GAB2: variants seen among roughly 807,000 people sequenced by gnomAD.
GAB2 encodes the protein GRB2 associated binding protein 2, also known as GRB2-associated-binding protein 2.
A neutral mutation model predicts 65.5 loss-of-function variants in GAB2; 26 were observed. That is an observed-to-expected ratio of 0.40 (90% confidence interval 0.29 to 0.55). GAB2 has a LOEUF of 0.55. GAB2 is among the 20% of genes least tolerant of loss of function. The pLI is 0.53. For missense variants in GAB2, 884 were observed against 875.8 expected (o/e 1.01, Z -0.12); for synonymous variants, 321 against 329.6 (o/e 0.97, Z 0.28).
chr11:78,410,651 T>C (rs1468007925), intron 1 of GAB2, among the ~76,000 whole-genome samples: 1 of 152,196 alleles, frequency 6.6e-6, no homozygotes, highest in Non-Finnish European at 1.5e-5. Flanking sequence ...ATGTAACAAC[T>C]TAGACAAAAT....
chr11:78,291,064 G>A (rs1466530590), intron 1 of GAB2, among the ~76,000 whole-genome samples: 1 of 145,734 alleles, frequency 6.9e-6, no homozygotes, highest in Non-Finnish European at 1.5e-5. Context: ...CAATAAAACT[G>A]CTTAGAAAAA....
chr11:78,414,087 CAA>C (rs34915163), intron 1 of GAB2, among the ~76,000 whole-genome samples: 2,097 of 83,238 alleles, frequency 0.025, 40 homozygotes, highest in African/African-American at 0.071. Context: ...AACTCTGTCT[CAA>C]AAAAAAAAAA....
intron 1 of GAB2, among the ~76,000 whole-genome samples, chr11:78,346,300 C>CT (rs547277599): frequency 1.7e-3 from 254 of 152,158 alleles, no homozygotes; most frequent in African/African-American, 5.9e-3. Context: ...CCAACACCCC[C>CT]TTATTCAGAC....
chr11:78,220,195 T>C, intron 9 of GAB2, 124 bp downstream of exon 9: 1 of 942,668 alleles, frequency 1.1e-6, no homozygotes, highest in Non-Finnish European at 1.6e-6. Context: ...TCATAAAAGC[T>C]GGGTACTGGA....
chr11:78,369,226 TA>T (rs1242948189), intron 1 of GAB2, among the ~76,000 whole-genome samples: 1 of 152,164 alleles, frequency 6.6e-6, no homozygotes, highest in Non-Finnish European at 1.5e-5. Context: ...TTCATTGTAT[TA>T]ATCAATGGCA....
chr11:78,417,566 GC>G (rs1012554527), intron 1 of GAB2, 79 bp downstream of exon 1: 1 of 536,142 alleles, frequency 1.9e-6, no homozygotes, highest in Non-Finnish European at 2.5e-6. Flanking sequence ...CCAGCCTGCC[GC>G]CCCTCCGGGA....
At chr11:78,309,367 A>G (rs924433194) in intron 1 of GAB2, among the ~76,000 whole-genome samples, 1 of 152,118 alleles carries the variant, frequency 6.6e-6, no homozygotes, top group Non-Finnish European at 1.5e-5. Context: ...AAGAAATTCC[A>G]TACTAACTAA....
At chr11:78,375,995 C>T (rs1466088609) in intron 1 of GAB2, among the ~76,000 whole-genome samples, 1 of 152,116 alleles carries the variant, frequency 6.6e-6, no homozygotes, top group Non-Finnish European at 1.5e-5. Context: ...TAACTGTTTC[C>T]CATAGTCTAA....
At chr11:78,220,292 C>T (rs1423828957) in intron 9 of GAB2, 27 bp downstream of exon 9, 6 of 1,611,038 alleles carry the variant, frequency 3.7e-6, no homozygotes, top group Non-Finnish European at 5.1e-6. Flanking sequence ...AGAGCTCTTA[C>T]TGCCCCCCCA....
chr11:78,332,846 C>G (rs1855938110), intron 1 of GAB2, among the ~76,000 whole-genome samples: 2 of 152,182 alleles, frequency 1.3e-5, no homozygotes, highest in Admixed American at 1.3e-4. Flanking sequence ...ATGGAGTTCC[C>G]TCATGCCCTA....
intron 1 of GAB2, among the ~76,000 whole-genome samples, chr11:78,281,930 C>G (rs1011214452): frequency 2.6e-5 from 4 of 152,188 alleles, no homozygotes; most frequent in African/African-American, 9.7e-5. Flanking sequence ...CAGTAAGTAG[C>G]AGAAAAACAA....
chr11:78,345,090 C>T (rs889872895), intron 1 of GAB2, among the ~76,000 whole-genome samples: 19 of 151,984 alleles, frequency 1.3e-4, no homozygotes, highest in African/African-American at 4.1e-4. Context: ...GACCAGCCCG[C>T]GCAACATGGC....
At chr11:78,290,101 C>G (rs115782932) in intron 1 of GAB2, among the ~76,000 whole-genome samples, 1,963 of 151,616 alleles carry the variant, frequency 0.013, 49 homozygotes, top group African/African-American at 0.045. Context: ...GGGAGACAAA[C>G]CAGAAAAATA....
intron 3 of GAB2, among the ~76,000 whole-genome samples, chr11:78,248,204 A>G (rs1296960369): frequency 6.6e-6 from 1 of 152,206 alleles, no homozygotes; most frequent in Non-Finnish European, 1.5e-5. Context: ...AATTCCAGGT[A>G]GGAAGATTAA....
chr11:78,273,228 T>A (rs931104808), intron 2 of GAB2, among the ~76,000 whole-genome samples: 1 of 152,172 alleles, frequency 6.6e-6, no homozygotes, highest in Non-Finnish European at 1.5e-5. Context: ...GACCCCAGAA[T>A]GGTAGATCCA....
chr11:78,334,562 T>G (rs1325455799), intron 1 of GAB2, among the ~76,000 whole-genome samples: 1 of 152,344 alleles, frequency 6.6e-6, no homozygotes, highest in East Asian at 1.9e-4. Context: ...TCTAGTTCCA[T>G]CCATGTTGTT....
At position 78,219,053 on chromosome 11, in the gene GAB2, A is replaced by T; in HGVS notation, c.*219T>A. ...GTGGAGGCATGGCCATTACTGATAA[A>T]AATCACAGCTGGGCCCCGAGTGGGC... On this transcript the variant is annotated 3_prime_UTR_variant, in exon 10 of 10. Coordinates refer to ENST00000361507, the MANE Select transcript of GAB2 (RefSeq NM_080491.3). 1 of 540,558 alleles carries T rather than the reference A, an allele frequency of 1.8e-6. No individual in the cohort carries two copies. The highest frequency in any genetic ancestry group is 3.2e-5 in the Admixed American group (1 of 31,026). 33.5% of individuals were successfully genotyped at this position (540,558 alleles called of 1,614,324 possible).
At chr11:78,311,526 G>C (rs948617743) in intron 1 of GAB2, among the ~76,000 whole-genome samples, 1 of 152,082 alleles carries the variant, frequency 6.6e-6, no homozygotes, top group African/African-American at 2.4e-5. Flanking sequence ...TTTGAACTGG[G>C]CTTCAAACAT....
At chr11:78,279,059 C>T (rs1337278935) in intron 2 of GAB2, among the ~76,000 whole-genome samples, 1 of 152,060 alleles carries the variant, frequency 6.6e-6, no homozygotes, top group Non-Finnish European at 1.5e-5. Context: ...AAACAACCTC[C>T]ATGAAACCTA....
Sources: allele counts gnomAD v4.1 joint callset (sites outside exome capture counted in the v4.1 genomes callset), GRCh38; gene constraint gnomAD v4.1.1; transcripts MANE v1.5; gene names NCBI Gene and HGNC (gene_info 2026-07-23, HGNC 2026-07-21).